Variants in NFATC3 observed in about 807,000 individuals in gnomAD.
NFATC3 encodes nuclear factor of activated T-cells, cytoplasmic 3.
In NFATC3, 46 loss-of-function variants were observed where a neutral mutation model predicts 98.6. The ratio of observed to expected loss-of-function variants is 0.47; its 90% CI spans 0.37 to 0.60. The LOEUF (loss-of-function observed/expected upper bound fraction) is 0.60. Among genes scored for constraint, NFATC3 ranks in the 20% least tolerant of loss-of-function variants. The probability of loss-of-function intolerance (pLI) is 0.00; values close to 1 mark genes in which losing one functional copy is unlikely to be tolerated. For missense variants in NFATC3, 1,256 were observed against 1,295.5 expected (o/e 0.97, Z 0.47); for synonymous variants, 512 against 472.2 (o/e 1.08, Z -1.09).
chr16:68,205,726 CT>C (rs2041120116), intron 9 of NFATC3, among the ~76,000 whole-genome samples: 1 of 151,994 alleles, frequency 6.6e-6, no homozygotes, highest in South Asian at 2.1e-4. Flanking sequence ...CTTATTTTTA[CT>C]AGCATATTAT....
At position 68,192,230 on chromosome 16, in the gene NFATC3, A is replaced by AAAATATATAT. The variant is rs1555522047; in HGVS notation, c.3106+456_3106+457insAATATATATA. 15 of 82,582 alleles carry AAAATATATAT rather than the reference A, an allele frequency of 1.8e-4. 1 individual carries two copies. The highest frequency in any genetic ancestry group is 8.0e-4 in the African/African-American group (14 of 17,442). The allele number at this position is 82,582 out of a possible 1,614,324, so 5.1% of individuals were successfully genotyped here. ...CTCGGGAAAAAAAAAAAAAAAAAAA[A>AAAATATATAT]ATATATATATATATATATATATATG... is the stretch of plus-strand genomic sequence containing the variant. On this transcript the variant is annotated intron_variant, in intron 9 of 9. Coordinates refer to ENST00000346183, the MANE Select transcript of NFATC3 (RefSeq NM_173165.3).
At chr16:68,158,270 T>TTA (rs1439861234) in intron 4 of NFATC3, among the ~76,000 whole-genome samples, 1 of 152,208 alleles carries the variant, frequency 6.6e-6, no homozygotes, top group Non-Finnish European at 1.5e-5. Flanking sequence ...ATACTATATA[T>TTA]TACCAGCCAA....
intron 3 of NFATC3, among the ~76,000 whole-genome samples, chr16:68,151,292 A>G (rs1056575972): frequency 2.0e-5 from 3 of 152,204 alleles, no homozygotes; most frequent in African/African-American, 7.2e-5. Flanking sequence ...TAGAAGACAC[A>G]GTGAAGTAGT....
intron 9 of NFATC3, chr16:68,192,251 A>ATG (rs1555522059): frequency 9.2e-6 from 1 of 109,122 alleles, no homozygotes; most frequent in Non-Finnish European, 1.9e-5. Context: ...ATATATATAT[A>ATG]TATGTATGTG....
chr16:68,187,762 G>A (rs1415902815), intron 8 of NFATC3, among the ~76,000 whole-genome samples: 4 of 152,170 alleles, frequency 2.6e-5, no homozygotes, highest in African/African-American at 7.2e-5. Flanking sequence ...GAGAGAAAGT[G>A]CATGCTGACT....
chr16:68,112,656 T>G (rs1398126195), intron 1 of NFATC3, among the ~76,000 whole-genome samples: 2 of 135,334 alleles, frequency 1.5e-5, no homozygotes, highest in Non-Finnish European at 3.2e-5. Flanking sequence ...GTTTTTTTTT[T>G]TTTTTTTTTT....
chr16:68,166,683 A>G (rs892673521), intron 4 of NFATC3, among the ~76,000 whole-genome samples, 160 bp from the exon 5 acceptor site: 1 of 152,238 alleles, frequency 6.6e-6, no homozygotes, highest in African/African-American at 2.4e-5. Context: ...TTTAATGCCT[A>G]AACTTCAGTT....
intron 9 of NFATC3, among the ~76,000 whole-genome samples, chr16:68,219,657 A>G (rs2041782078): frequency 6.6e-6 from 1 of 152,234 alleles, no homozygotes; most frequent in Admixed American, 6.5e-5. Context: ...AGGTTCAGGA[A>G]AAGAATAACA....
At chr16:68,151,712 T>A (rs544529887) in intron 3 of NFATC3, among the ~76,000 whole-genome samples, 1 of 152,196 alleles carries the variant, frequency 6.6e-6, no homozygotes, top group South Asian at 2.1e-4. Flanking sequence ...TCACAACATT[T>A]AAAAAATGCC....
chr16:68,122,924 A>G lies in NFATC3; in HGVS notation c.1041A>G (p.Gln347=). Residue 347 remains glutamine, a synonymous_variant, in exon 2 of 10, where the codon CAA becomes CAG. Transcript: ENST00000346183. The part of the protein sequence containing the change: ...PLKTRKTSED[Q]AAILPGKLEL... ...AAACAAGGAAAACTTCTGAAGATCA[A>G]GCTGCCATACTACCAGGAAAATTAG... 1 of 1,614,224 alleles carries G rather than the reference A, an allele frequency of 6.2e-7. No homozygotes were observed. Among genetic ancestry groups the G allele is most frequent in the Non-Finnish European group, 8.5e-7 (1 of 1,180,044 alleles).
chr16:68,202,707 G>T (rs1203720218), intron 9 of NFATC3, among the ~76,000 whole-genome samples: 1 of 152,108 alleles, frequency 6.6e-6, no homozygotes, highest in African/African-American at 2.4e-5. Context: ...AGCTACTCGG[G>T]AGGCTGAGGC....
rs762785017 is a variant in NFATC3 at position 68,181,516 on chromosome 16, G to A, written c.1957G>A (p.Glu653Lys). 13 of 1,610,224 alleles carry A rather than the reference G, an allele frequency of 8.1e-6. No homozygotes were observed. In the South Asian group the frequency reaches 1.4e-4, roughly 18 times the overall value. The change falls in exon 7 of 10, where the codon GAA becomes AAA. Residue 653 changes from glutamate to lysine, a missense_variant. Glu to Lys is a moderately conservative substitution (Grantham distance 56). Transcript: ENST00000346183. ...QWEVEGKIIR[E>K]KCQGAHIVLE... ...GGAGGTAGAAGGGAAGATAATCAGG[G>A]AAAAATGTCAAGGGGTAAGAAATTT...
intron 1 of NFATC3, among the ~76,000 whole-genome samples, chr16:68,116,472 G>A (rs886250198): frequency 1.3e-5 from 2 of 152,140 alleles, no homozygotes; most frequent in Non-Finnish European, 2.9e-5. Flanking sequence ...TAATTCTTGA[G>A]ATGGTGAAAT....
chr16:68,089,413 A>T, intron 1 of NFATC3: 3 of 444,728 alleles, frequency 6.7e-6, no homozygotes, highest in Non-Finnish European at 8.9e-6. Flanking sequence ...AAAATTTAAG[A>T]CCCTAGAGTC....
At chr16:68,106,816 A>G (rs1352473354) in intron 1 of NFATC3, among the ~76,000 whole-genome samples, 1 of 151,898 alleles carries the variant, frequency 6.6e-6, no homozygotes, top group Non-Finnish European at 1.5e-5. Flanking sequence ...TACATAGCAA[A>G]ATGTGTGCCA....
At chr16:68,193,096 T>C (rs2040514250) in intron 9 of NFATC3, among the ~76,000 whole-genome samples, 1 of 152,250 alleles carries the variant, frequency 6.6e-6, no homozygotes, top group South Asian at 2.1e-4. Context: ...CTTTTTTTTT[T>C]CTTGTCTTAT....
Position 68,122,002 on chromosome 16 carries a change from A to G in NFATC3, c.119A>G (p.Asp40Gly), listed in dbSNP as rs1376075392. ...CTCCCCGTAGATCTTGAGCCAGATG[A>G]TTGTGCATCCATTTACATCTTTAAT... ...GSRPADLEPD[D>G]CASIYIFNVD... The change falls in exon 2 of 10, where the codon GAT (aspartate) becomes GGT (glycine). Residue 40 changes from aspartate to glycine, a missense_variant. Physicochemically the swap from Asp to Gly is moderately conservative, Grantham distance 94. Coordinates refer to ENST00000346183, the MANE Select transcript of NFATC3 (RefSeq NM_173165.3). The G allele has an allele frequency of 6.2e-7, 1 of 1,602,090 alleles. No individual in the cohort carries two copies. The highest frequency in any genetic ancestry group is 8.5e-7 in the Non-Finnish European group (1 of 1,174,020).
At chr16:68,091,209 A>G (rs2034688436) in intron 1 of NFATC3, among the ~76,000 whole-genome samples, 1 of 152,202 alleles carries the variant, frequency 6.6e-6, no homozygotes, top group Admixed American at 6.5e-5. Context: ...AGGTGTTATA[A>G]AAGTTAAAAC....
intron 3 of NFATC3, among the ~76,000 whole-genome samples, chr16:68,150,411 C>CT (rs1309523106): frequency 4.6e-5 from 5 of 107,786 alleles, no homozygotes; most frequent in Non-Finnish European, 8.8e-5. Flanking sequence ...ACTTCTATAT[C>CT]TAAAAAAAAA....
Sources: gnomAD v4.1 joint callset for allele counts (sites outside exome capture counted in the v4.1 genomes callset) on GRCh38, gnomAD v4.1.1 for gene constraint, MANE v1.5 for transcripts, NCBI Gene and HGNC (gene_info 2026-07-23, HGNC 2026-07-21) for gene names.